Variants in RPH3A observed in about 807,000 individuals in gnomAD.
RPH3A encodes the protein rabphilin 3A, also known as rabphilin-3A.
In RPH3A, 48 loss-of-function variants were observed where a neutral mutation model predicts 102.2. The observed-to-expected ratio is 0.47, with a 90% CI of 0.37 to 0.60. The LOEUF is 0.60. RPH3A is among the 20% of genes least tolerant of loss of function. The pLI is 0.00. For synonymous variants in RPH3A, 310 were observed against 324.3 expected (o/e 0.96, Z 0.47); for missense variants, 781 against 910.1 (o/e 0.86, Z 1.83).
chr12:112,883,010 C>T (rs990301086), intron 15 of RPH3A, among the ~76,000 whole-genome samples: 1 of 152,154 alleles, frequency 6.6e-6, no homozygotes, highest in African/African-American at 2.4e-5. Context: ...ATGATTTCTT[C>T]TCAAAGGAAG....
chr12:112,770,343 G>GTTTTGT (rs148835700), intron 1 of RPH3A, among the ~76,000 whole-genome samples: 1 of 150,302 alleles, frequency 6.7e-6, no homozygotes, highest in African/African-American at 2.5e-5. Context: ...TTTCTTTTTT[G>GTTTTGT]TTTGTTTTGT....
chr12:112,637,006 C>A lies in RPH3A; in HGVS notation c.-140+61687C>A, dbSNP rs543937796. Among the ~76,000 whole-genome samples the A allele has an allele frequency of 1.4e-4, 21 of 152,248 alleles. No homozygotes were observed. In the East Asian group the frequency reaches 3.7e-3, roughly 27 times the overall value. ...AGACTGTCCACCCCACTTTGTTGAACCCTGAATGTAAATCCCTTCTAGCCC... is the reference window on the plus strand; with the variant it reads ...AGACTGTCCACCCCACTTTGTTGAAACCTGAATGTAAATCCCTTCTAGCCC... On this transcript the variant is annotated intron_variant, in intron 1 of 21. Coordinates refer to the RPH3A transcript ENST00000543106.
At chr12:112,738,483 T>G (rs1335308221) in intron 1 of RPH3A, among the ~76,000 whole-genome samples, 3 of 152,226 alleles carry the variant, frequency 2.0e-5, no homozygotes, top group Non-Finnish European at 2.9e-5. Context: ...CTGGTGGACA[T>G]GCATTTTGCA....
At chr12:112,636,859 C>G (rs1358907165) in intron 1 of RPH3A, among the ~76,000 whole-genome samples, 1 of 152,256 alleles carries the variant, frequency 6.6e-6, no homozygotes, top group South Asian at 2.1e-4. Context: ...CTAGCTCAGG[C>G]ACCCTACCCC....
At chr12:112,774,063 C>CAAAAAAAAAAAA (rs11375355) in intron 1 of RPH3A, among the ~76,000 whole-genome samples, 1,216 of 108,174 alleles carry the variant, frequency 0.011, 122 homozygotes, top group African/African-American at 0.045. Context: ...CCAGCCTGGG[C>CAAAAAAAAAAAA]AAAAAAAAAA....
chr12:112,825,176 C>G (rs1269190091), intron 2 of RPH3A, among the ~76,000 whole-genome samples: 2 of 152,202 alleles, frequency 1.3e-5, no homozygotes, highest in Non-Finnish European at 2.9e-5. Flanking sequence ...CAGCAAATTT[C>G]TTTCACAACA....
intron 1 of RPH3A, among the ~76,000 whole-genome samples, chr12:112,746,329 G>C (rs1006663593): frequency 6.6e-6 from 1 of 152,090 alleles, no homozygotes; most frequent in South Asian, 2.1e-4. Context: ...TGTCAGAGGA[G>C]GGACGTACAT....
At chr12:112,701,722 G>T (rs1359670315) in intron 1 of RPH3A, among the ~76,000 whole-genome samples, 2 of 152,170 alleles carry the variant, frequency 1.3e-5, no homozygotes, top group African/African-American at 4.8e-5. Flanking sequence ...TGTGGTTCAA[G>T]GCCTTGAGAC....
intron 4 of RPH3A, among the ~76,000 whole-genome samples, chr12:112,839,244 A>G (rs769411111): frequency 2.0e-5 from 3 of 152,184 alleles, no homozygotes; most frequent in Non-Finnish European, 4.4e-5. Flanking sequence ...ACATTATACA[A>G]CTGGAATTTA....
At chr12:112,819,063 ATG>A (rs1408129194) in intron 2 of RPH3A, among the ~76,000 whole-genome samples, 1 of 151,772 alleles carries the variant, frequency 6.6e-6, no homozygotes, top group African/African-American at 2.4e-5. Context: ...ATATGTATAT[ATG>A]TGTGTATATA....
chr12:112,717,153 A>G (rs2040518658), intron 1 of RPH3A, among the ~76,000 whole-genome samples: 1 of 152,164 alleles, frequency 6.6e-6, no homozygotes, highest in African/African-American at 2.4e-5. Context: ...GCTAATCTCA[A>G]TTTGTTTAGT....
chr12:112,845,300 A>C (rs943272624), intron 4 of RPH3A, among the ~76,000 whole-genome samples: 1 of 152,002 alleles, frequency 6.6e-6, no homozygotes, highest in African/African-American at 2.4e-5. Context: ...GCCAGACTCA[A>C]TCTCTCCCCT....
At chr12:112,579,146 C>T (rs2039379138) in intron 1 of RPH3A, among the ~76,000 whole-genome samples, 1 of 152,068 alleles carries the variant, frequency 6.6e-6, no homozygotes, top group South Asian at 2.1e-4. Context: ...GGAATGCCTG[C>T]CCTGGTATTT....
chr12:112,871,970 A>G (rs1009642067), intron 10 of RPH3A, among the ~76,000 whole-genome samples: 1 of 151,678 alleles, frequency 6.6e-6, no homozygotes, highest in Non-Finnish European at 1.5e-5. Flanking sequence ...AGTTTGGTTT[A>G]TTTCAACCTT....
intron 1 of RPH3A, among the ~76,000 whole-genome samples, chr12:112,778,215 A>G (rs2040981981): frequency 6.6e-6 from 1 of 152,222 alleles, no homozygotes; most frequent in African/African-American, 2.4e-5. Flanking sequence ...CTATCTAGGT[A>G]TTGGGTTCTG....
chr12:112,741,866 T>G (rs1259285969), intron 1 of RPH3A, among the ~76,000 whole-genome samples: 2 of 152,212 alleles, frequency 1.3e-5, no homozygotes, highest in Non-Finnish European at 2.9e-5. Context: ...AGATATCATC[T>G]GATGGGGTTA....
At position 112,897,321 on chromosome 12, in the gene RPH3A, A is replaced by C. The variant is rs2043197743; in HGVS notation, c.*541A>C. The C allele has an allele frequency of 6.4e-6, 1 of 155,304 alleles. No homozygotes were observed. The highest frequency in any genetic ancestry group is 6.2e-5 in the Admixed American group (1 of 16,044). 9.6% of individuals were successfully genotyped at this position (155,304 alleles called of 1,614,324 possible). ...TACACCCTGATTGCCAGGAAAACAG[A>C]CTGCTGTGTTCAGTAACACACCCTC... On this transcript the variant is annotated 3_prime_UTR_variant, in exon 22 of 22. Coordinates refer to ENST00000389385, the MANE Select transcript of RPH3A (RefSeq NM_001143854.2).
intron 1 of RPH3A, among the ~76,000 whole-genome samples, chr12:112,668,328 G>A (rs529809771): frequency 6.6e-5 from 10 of 152,266 alleles, no homozygotes; most frequent in Admixed American, 5.2e-4. Flanking sequence ...AGCTCTTAGA[G>A]CGACCAGTGA....
intron 1 of RPH3A, among the ~76,000 whole-genome samples, chr12:112,725,279 A>AAAAAC (rs1565861564): frequency 7.4e-6 from 1 of 135,374 alleles, no homozygotes; most frequent in African/African-American, 2.9e-5. Context: ...AAAAAAAAAA[A>AAAAAC]CACGTTTTAA....
Sources: gnomAD v4.1 joint callset for allele counts (sites outside exome capture counted in the v4.1 genomes callset) on GRCh38, gnomAD v4.1.1 for gene constraint, MANE v1.5 for transcripts, NCBI Gene and HGNC (gene_info 2026-07-23, HGNC 2026-07-21) for gene names.